Variants in UTP4 observed in about 807,000 individuals in gnomAD.
UTP4 encodes U3 small nucleolar RNA-associated protein 4 homolog.
UTP4 carries 45 observed loss-of-function variants against 82.4 expected under a neutral mutation model. The ratio of observed to expected loss-of-function variants is 0.55; its 90% CI spans 0.43 to 0.70. The LOEUF is 0.70. Ranked by LOEUF, UTP4 falls within the 30% of genes least tolerant of loss-of-function variation. The pLI, the probability that UTP4 is intolerant of heterozygous loss-of-function variation, is 0.00. For missense variants in UTP4, 819 were observed against 858.3 expected, an observed-to-expected ratio of 0.95 and a Z score of 0.57; for synonymous variants, 348 against 300.3, an observed-to-expected ratio of 1.16 and a Z score of -1.64.
At chr16:69,133,655 T>C in intron 2 of UTP4, 37 bp downstream of exon 2, 1 of 1,604,902 alleles carries the variant, frequency 6.2e-7, no homozygotes, top group Non-Finnish European at 8.5e-7. Flanking sequence ...TGTTTTGATG[T>C]TAATTTCTTC....
chr16:69,162,721 A>G (rs1446884084), intron 13 of UTP4, among the ~76,000 whole-genome samples: 2 of 151,138 alleles, frequency 1.3e-5, no homozygotes, highest in Admixed American at 6.6e-5. Context: ...CAAAAAAAAA[A>G]AAAAAGAAAA....
chr16:69,147,703 T>C (rs1486765976), intron 6 of UTP4, among the ~76,000 whole-genome samples: 2 of 152,180 alleles, frequency 1.3e-5, no homozygotes, highest in East Asian at 3.8e-4. Flanking sequence ...GAAATGCATT[T>C]ATGTTTCATA....
intron 13 of UTP4, among the ~76,000 whole-genome samples, chr16:69,161,246 T>A (rs1963554991): frequency 6.6e-6 from 1 of 152,230 alleles, no homozygotes; most frequent in African/African-American, 2.4e-5. Context: ...AGTCATAAAT[T>A]GAGTCATTAG....
chr16:69,162,469 T>C (rs1304326713), intron 13 of UTP4, among the ~76,000 whole-genome samples: 1 of 151,616 alleles, frequency 6.6e-6, no homozygotes, highest in Non-Finnish European at 1.5e-5. Flanking sequence ...CCCAACACTT[T>C]GGGAGACCAA....
intron 12 of UTP4, among the ~76,000 whole-genome samples, 186 bp downstream of exon 12, chr16:69,157,426 A>G (rs1963448920): frequency 6.6e-6 from 1 of 152,180 alleles, no homozygotes; most frequent in Non-Finnish European, 1.5e-5. Context: ...GAGATCTGCA[A>G]TGTTCTTCAC....
intron 3 of UTP4, among the ~76,000 whole-genome samples, chr16:69,137,207 C>G (rs1344189358): frequency 6.6e-6 from 1 of 152,170 alleles, no homozygotes; most frequent in Non-Finnish European, 1.5e-5. Flanking sequence ...TTCACAAATA[C>G]AGCATATTTA....
chr16:69,166,653 T>TG (rs1476114870), intron 15 of UTP4: 2 of 189,424 alleles, frequency 1.1e-5, no homozygotes, highest in Non-Finnish European at 2.2e-5. Flanking sequence ...GTGATCTGGT[T>TG]GGGGGAGAGT....
At chr16:69,144,653 C>T (rs941126076) in intron 6 of UTP4, among the ~76,000 whole-genome samples, 4 of 152,158 alleles carry the variant, frequency 2.6e-5, no homozygotes, top group Admixed American at 6.6e-5. Flanking sequence ...TCCCACATGC[C>T]GACATCCATA....
chr16:69,152,464 C>CTTTTT (rs58914042), intron 8 of UTP4, among the ~76,000 whole-genome samples: 9 of 107,146 alleles, frequency 8.4e-5, no homozygotes, highest in East Asian at 2.7e-4. Flanking sequence ...TTCTGTTTTT[C>CTTTTT]TTTTTTTTTT....
intron 2 of UTP4, among the ~76,000 whole-genome samples, chr16:69,134,984 A>G (rs1962773944): frequency 6.7e-6 from 1 of 148,242 alleles, no homozygotes; most frequent in South Asian, 2.1e-4. Context: ...CTCATACCAG[A>G]CTGATTATCT....
At chr16:69,133,111 G>A in intron 1 of UTP4, 2 of 327,428 alleles carry the variant, frequency 6.1e-6, no homozygotes, top group Non-Finnish European at 1.2e-5. Flanking sequence ...CAGCCTCACT[G>A]TCACTACCTC....
At chr16:69,160,125 A>G (rs987325347) in intron 12 of UTP4, among the ~76,000 whole-genome samples, 4 of 152,236 alleles carry the variant, frequency 2.6e-5, no homozygotes, top group African/African-American at 9.6e-5. Flanking sequence ...TGAGGAAGTA[A>G]TAACTTCTGT....
chr16:69,135,775 C>G (rs1962794420), intron 2 of UTP4, among the ~76,000 whole-genome samples: 1 of 152,084 alleles, frequency 6.6e-6, no homozygotes, highest in African/African-American at 2.4e-5. Flanking sequence ...GCTGTAATCC[C>G]AGCAGTTTGG....
At chr16:69,133,415 G>A in intron 1 of UTP4, 43 bp from the exon 2 acceptor site, 1 of 1,584,818 alleles carries the variant, frequency 6.3e-7, no homozygotes, top group South Asian at 1.1e-5. Context: ...GTGACATACT[G>A]CAGTTAACAT....
chr16:69,168,225 A>C (rs1963749116), intron 16 of UTP4, among the ~76,000 whole-genome samples: 1 of 152,024 alleles, frequency 6.6e-6, no homozygotes, highest in Non-Finnish European at 1.5e-5. Flanking sequence ...TCACGAGTTC[A>C]GGAGATCGAG....
chr16:69,136,764 T>C lies in UTP4; in HGVS notation c.228T>C (p.Ser76=). The change falls in exon 3 of 17, where the codon AGT becomes AGC. Residue 76 remains serine, a synonymous_variant. Transcript: ENST00000314423. ...LCWAEGQRLF[S]AGLNGEIMEY... is the part of the protein sequence containing the mutation. ...GGGCAGAAGGACAGCGACTCTTTAG[T>C]GCTGGGCTCAATGGCGAGATTATGG... 6.2e-7 allele frequency: 1 copy of C among 1,614,154 alleles called. No homozygotes were observed. Among genetic ancestry groups the C allele is most frequent in the Non-Finnish European group, 8.5e-7 (1 of 1,179,992 alleles).
chr16:69,153,543 A>G (rs2152281112), intron 8 of UTP4, 41 bp from the exon 9 acceptor site: 1 of 1,422,696 alleles, frequency 7.0e-7, no homozygotes, highest in East Asian at 2.3e-5. Context: ...GCAGTAGATG[A>G]CCCTGACTTA....
intron 6 of UTP4, among the ~76,000 whole-genome samples, chr16:69,145,168 A>G (rs986859556): frequency 1.3e-5 from 2 of 151,924 alleles, no homozygotes; most frequent in Admixed American, 6.6e-5. Flanking sequence ...TAATAATAAT[A>G]ATGATTTCAC....
chr16:69,151,254 G>A (rs1357044749), intron 8 of UTP4, among the ~76,000 whole-genome samples: 9 of 151,514 alleles, frequency 5.9e-5, no homozygotes, highest in Non-Finnish European at 1.3e-4. Context: ...TGATCTGCCC[G>A]CCTCAGCCTC....
Sources: allele counts gnomAD v4.1 joint callset (sites outside exome capture counted in the v4.1 genomes callset), GRCh38; gene constraint gnomAD v4.1.1; transcripts MANE v1.5; gene names NCBI Gene and HGNC (gene_info 2026-07-23, HGNC 2026-07-21).